Variants in NXN observed in about 807,000 individuals in gnomAD.
NXN encodes the protein nucleoredoxin 1.
A neutral mutation model predicts 48.6 loss-of-function variants in NXN; 16 were observed. The ratio of observed to expected loss-of-function variants is 0.33; its 90% confidence interval spans 0.22 to 0.50. The LOEUF is 0.50. Ranked by LOEUF, NXN falls within the 20% of genes least tolerant of loss-of-function variation. The pLI is 0.98. For missense variants in NXN, 492 were observed against 605.5 expected (o/e 0.81, Z 1.97); for synonymous variants, 281 against 269.6 (o/e 1.04, Z -0.41).
intron 1 of NXN, among the ~76,000 whole-genome samples, chr17:943,564 G>C (rs746038561): frequency 6.6e-6 from 1 of 152,202 alleles, no homozygotes; most frequent in South Asian, 2.1e-4. Context: ...GCTCACGCCT[G>C]TAATCCCAGC....
intron 1 of NXN, among the ~76,000 whole-genome samples, chr17:953,006 C>T (rs2069129807): frequency 6.6e-6 from 1 of 152,166 alleles, no homozygotes; most frequent in South Asian, 2.1e-4. Flanking sequence ...CCTAGGCTAC[C>T]CCGTGTTAAA....
At chr17:904,866 A>G (rs1303277811) in intron 1 of NXN, among the ~76,000 whole-genome samples, 1 of 152,090 alleles carries the variant, frequency 6.6e-6, no homozygotes, top group Non-Finnish European at 1.5e-5. Context: ...TTTTACAGGT[A>G]AGGGAAGAAT....
In NXN at chr17:919,327, T is replaced by C. The variant is rs1225273124; in HGVS notation, c.360+59992A>G. On this transcript the variant is annotated intron_variant, in intron 1 of 7. Transcript: ENST00000336868. This position sits in a 1 kb window ranked among gnomAD's most constrained non-coding sequence, Gnocchi z 5.1. ...GCAGTGAGCCGAGATTGTGCCACTG[T>C]ACTCCAGCCTGGTGACAGAGTGAGA... 4.6e-5 allele frequency among the ~76,000 whole-genome samples: 7 copies of C among 151,736 alleles called. No individual in the cohort carries two copies. Among genetic ancestry groups the C allele is most frequent in the African/African-American group, 1.5e-4 (6 of 41,296 alleles).
At chr17:896,585 C>T (rs2068488773) in intron 1 of NXN, among the ~76,000 whole-genome samples, 1 of 152,190 alleles carries the variant, frequency 6.6e-6, no homozygotes, top group African/African-American at 2.4e-5. Flanking sequence ...TATAAACTTA[C>T]CAGACGTTAA....
chr17:973,871 G>T (rs190509795), intron 1 of NXN, among the ~76,000 whole-genome samples: 2 of 151,424 alleles, frequency 1.3e-5, no homozygotes, highest in African/African-American at 4.8e-5. Context: ...TAGAGATGGG[G>T]TTTCACCATG....
chr17:936,874 G>GC (rs2068913560), intron 1 of NXN, among the ~76,000 whole-genome samples: 3 of 151,746 alleles, frequency 2.0e-5, no homozygotes, highest in African/African-American at 7.3e-5. Context: ...GAAAAGGCAG[G>GC]CCTGTGTTCA....
chr17:836,056 C>G (rs1363112889), intron 1 of NXN, among the ~76,000 whole-genome samples: 2 of 72,966 alleles, frequency 2.7e-5, no homozygotes, highest in Admixed American at 1.2e-4. Flanking sequence ...CGGTGGGATT[C>G]GTCAGCCCCC....
At chr17:828,944 G>T (rs1030456905) in intron 1 of NXN, among the ~76,000 whole-genome samples, 1 of 151,966 alleles carries the variant, frequency 6.6e-6, no homozygotes, top group Non-Finnish European at 1.5e-5. Context: ...AAAAAGTCGG[G>T]AAACAGCAAA....
chr17:846,160 G>C (rs1319286148), intron 1 of NXN, among the ~76,000 whole-genome samples: 1 of 152,120 alleles, frequency 6.6e-6, no homozygotes, highest in Non-Finnish European at 1.5e-5. Flanking sequence ...CAGGCACGGT[G>C]GCTTGTGCCT....
chr17:837,059 G>C (rs556687300), intron 1 of NXN, among the ~76,000 whole-genome samples: 3 of 152,116 alleles, frequency 2.0e-5, no homozygotes, highest in African/African-American at 7.2e-5. Context: ...GCTCACTGCA[G>C]CCTCCACCAC....
At chr17:965,912 C>T (rs968013266) in intron 1 of NXN, among the ~76,000 whole-genome samples, 4 of 151,874 alleles carry the variant, frequency 2.6e-5, no homozygotes, top group Admixed American at 6.6e-5. Flanking sequence ...GTCAGGAGTT[C>T]GAGACCAGCC....
chr17:825,650 G>C lies in NXN; in HGVS notation c.478+311C>G, dbSNP rs1375663235. 1 of 272,502 alleles carries C rather than the reference G, an allele frequency of 3.7e-6. No homozygotes were observed. Among genetic ancestry groups the C allele is most frequent in the African/African-American group, 2.3e-5 (1 of 44,444 alleles). 16.9% of individuals were successfully genotyped at this position (272,502 alleles called of 1,614,324 possible). On this transcript the variant is annotated intron_variant, in intron 2 of 7. Coordinates refer to ENST00000336868, the MANE Select transcript of NXN (RefSeq NM_022463.5). The surrounding 1 kb of genome is among the most constrained non-coding windows in gnomAD (Gnocchi z 4.1). ...AGCCGCCACGGATGCAGCACTAGAG[G>C]CCGGGGTCTGAGCTCTCCGCTTTCC...
chr17:807,739 G>A (rs1206848674), intron 5 of NXN, among the ~76,000 whole-genome samples: 1 of 152,246 alleles, frequency 6.6e-6, no homozygotes, highest in Non-Finnish European at 1.5e-5. Context: ...CCCCTGCACG[G>A]GGGAAAGCAC....
Position 948,464 on chromosome 17 carries a change from C to A in NXN, c.360+30855G>T, listed in dbSNP as rs149854770. On this transcript the variant is annotated intron_variant, in intron 1 of 7. Transcript: ENST00000336868. ...ACTTTGGCATCACGGGATCTGGGTA[C>A]TGAGGGGTAGGAGCGGCCCTGGGAC... 3.4e-4 allele frequency among the ~76,000 whole-genome samples: 52 copies of A among 152,206 alleles called. No homozygotes were observed. The East Asian group carries it at 8.7e-3, about 25-fold the overall frequency.
At chr17:897,830 C>T (rs992977141) in intron 1 of NXN, among the ~76,000 whole-genome samples, 7 of 152,320 alleles carry the variant, frequency 4.6e-5, no homozygotes, top group Admixed American at 1.3e-4. Context: ...TGCCCGCCAC[C>T]ACGCATGGCT....
chr17:906,028 T>C (rs888177814), intron 1 of NXN, among the ~76,000 whole-genome samples: 1 of 151,424 alleles, frequency 6.6e-6, no homozygotes, highest in Non-Finnish European at 1.5e-5. Flanking sequence ...TTAATCTTAA[T>C]ATATTTTAAC....
intron 1 of NXN, among the ~76,000 whole-genome samples, chr17:862,069 G>A (rs551434486): frequency 2.3e-4 from 35 of 152,226 alleles, no homozygotes; most frequent in African/African-American, 7.7e-4. Flanking sequence ...GAGCTCAAGC[G>A]ATCTACCAGC....
intron 1 of NXN, among the ~76,000 whole-genome samples, chr17:838,012 T>C (rs1913922180): frequency 6.6e-6 from 1 of 152,126 alleles, no homozygotes; most frequent in Non-Finnish European, 1.5e-5. Context: ...ACGTTCTTTC[T>C]GGGTCCTTCT....
intron 1 of NXN, among the ~76,000 whole-genome samples, chr17:941,913 A>T: frequency 1.8e-5 from 1 of 55,004 alleles, no homozygotes; most frequent in African/African-American, 9.0e-5. Context: ...CTCACATCAC[A>T]CCTTCCTGGA....
Sources: gnomAD v4.1 joint callset for allele counts (sites outside exome capture counted in the v4.1 genomes callset) on GRCh38, gnomAD v4.1.1 for gene constraint, Gnocchi (gnomAD v3.1) non-coding constraint, MANE v1.5 for transcripts, NCBI Gene and HGNC (gene_info 2026-07-23, HGNC 2026-07-21) for gene names.